Variants in TPH2 observed in about 807,000 individuals in gnomAD.
TPH2 encodes the protein tryptophan hydroxylase 2, also known as tryptophan 5-hydroxylase 2.
TPH2 carries 27 observed loss-of-function variants against 59.1 expected under a neutral mutation model. That is an observed-to-expected ratio of 0.46 (90% CI 0.34 to 0.63). The LOEUF (loss-of-function observed/expected upper bound fraction) is 0.63, where lower values mean the gene tolerates loss of function less well. Ranked by LOEUF, TPH2 falls within the 30% of genes least tolerant of loss-of-function variation. The pLI, the probability that TPH2 is intolerant of heterozygous loss-of-function variation, is 0.01. For synonymous variants in TPH2, 220 were observed against 210.5 expected, an observed-to-expected ratio of 1.05 and a Z score of -0.39; for missense variants, 523 against 588.3, an observed-to-expected ratio of 0.89 and a Z score of 1.15.
In TPH2 at chr12:71,963,458, G is replaced by GTATATACATACATATA. The variant is rs1871737633; in HGVS notation, c.609-9058_609-9057insATACATACATATATAT. ...TATATACATACATATATATATATAT[G>GTATATACATACATATA]TATGTATATACACACATATATGTAC... On this transcript the variant is annotated intron_variant, in intron 5 of 10. Transcript: ENST00000333850. Among the ~76,000 whole-genome samples, 4 of 35,062 alleles carry GTATATACATACATATA rather than the reference G, an allele frequency of 1.1e-4. 2 individuals are homozygous for GTATATACATACATATA. The highest frequency in any genetic ancestry group is 3.1e-4 in the African/African-American group (4 of 12,958). 23.0% of individuals were successfully genotyped at this position (35,062 alleles called of 152,430 possible). A position where few individuals can be genotyped will look rare whatever the true frequency, so the allele number is the denominator to read the frequency against.
intron 5 of TPH2, among the ~76,000 whole-genome samples, chr12:71,968,373 T>G (rs964769246): frequency 2.0e-5 from 3 of 152,228 alleles, no homozygotes; most frequent in Non-Finnish European, 4.4e-5. Flanking sequence ...CTTTTCCATC[T>G]TTCTCGCAGG....
intron 8 of TPH2, among the ~76,000 whole-genome samples, chr12:72,018,029 T>C (rs962358498): frequency 6.6e-6 from 1 of 152,222 alleles, no homozygotes; most frequent in African/African-American, 2.4e-5. Context: ...CAGATGCAAC[T>C]TACCATTTCT....
chr12:71,966,250 CT>C (rs200063099), intron 5 of TPH2, among the ~76,000 whole-genome samples: 7,688 of 147,210 alleles, frequency 0.052, 329 homozygotes, highest in South Asian at 0.14. Flanking sequence ...CTGTCTAAAT[CT>C]TTTTTTTTTT....
In TPH2 at chr12:71,941,571, G is replaced by A. The variant is rs772888791; in HGVS notation, c.106-13G>A. On this transcript the variant is annotated splice_polypyrimidine_tract_variant and intron_variant, in intron 1 of 10. Transcript: ENST00000333850. ...CTAATATTTTGTTTTATTATGCTTCGACATTCCTGAAGCTAAATAAACCTA... is the reference window on the plus strand; with the variant it reads ...CTAATATTTTGTTTTATTATGCTTCAACATTCCTGAAGCTAAATAAACCTA... The A allele has an allele frequency of 6.6e-5, 107 of 1,612,938 alleles. No individual in the cohort carries two copies. Among genetic ancestry groups the A allele is most frequent in the Non-Finnish European group, 8.6e-5 (101 of 1,179,534 alleles).
At chr12:71,948,626 C>T (rs1447911665) in intron 4 of TPH2, among the ~76,000 whole-genome samples, 1 of 152,194 alleles carries the variant, frequency 6.6e-6, no homozygotes, top group Non-Finnish European at 1.5e-5. Flanking sequence ...TCACCCTGTT[C>T]TTCACTCTCC....
intron 4 of TPH2, among the ~76,000 whole-genome samples, chr12:71,947,941 T>A (rs987118623): frequency 6.6e-6 from 1 of 152,180 alleles, no homozygotes; most frequent in Non-Finnish European, 1.5e-5. Flanking sequence ...GGGGAACAGA[T>A]GCTGTGCTTT....
At chr12:72,014,719 G>T (rs1873194477) in intron 8 of TPH2, among the ~76,000 whole-genome samples, 1 of 152,092 alleles carries the variant, frequency 6.6e-6, no homozygotes, top group African/African-American at 2.4e-5. Flanking sequence ...AAGAATGCTT[G>T]CCCTGCAAAA....
intron 8 of TPH2, among the ~76,000 whole-genome samples, chr12:72,008,818 C>T (rs911979717): frequency 3.3e-5 from 5 of 151,928 alleles, no homozygotes; most frequent in African/African-American, 7.3e-5. Context: ...CAGCAGAAGC[C>T]CTTGTTCATT....
intron 7 of TPH2, among the ~76,000 whole-genome samples, chr12:71,984,538 G>C (rs1000228416): frequency 2.0e-5 from 3 of 152,158 alleles, no homozygotes; most frequent in Non-Finnish European, 4.4e-5. Context: ...CCTTGCTGAA[G>C]TCTTCTCAGC....
intron 8 of TPH2, among the ~76,000 whole-genome samples, chr12:72,005,710 C>T (rs181734122): frequency 1.4e-4 from 21 of 152,072 alleles, no homozygotes; most frequent in African/African-American, 4.8e-4. Flanking sequence ...AACTAAGTTC[C>T]GAAGTGTTTT....
At chr12:71,961,861 T>C (rs1871694139) in intron 5 of TPH2, 1 of 1,135,176 alleles carries the variant, frequency 8.8e-7, no homozygotes, top group South Asian at 2.1e-5. Context: ...GCTCCTTAGG[T>C]GCAGTAGTTT....
At position 71,938,845 on chromosome 12, in the gene TPH2, G is replaced by T. The variant is rs961225966; in HGVS notation, c.-142G>T. The T allele has an allele frequency of 5.5e-6, 4 of 728,494 alleles. No homozygotes were observed. The highest frequency in any genetic ancestry group is 9.9e-6 in the Non-Finnish European group (4 of 404,130). The allele number at this position is 728,494 out of a possible 1,614,324, so 45.1% of individuals were successfully genotyped here. A position where few individuals can be genotyped will look rare whatever the true frequency, so the allele number is the denominator to read the frequency against. On this transcript the variant is annotated 5_prime_UTR_variant, in exon 1 of 11. Transcript: ENST00000333850. ...AAGGAGCCCGGGGATGGGAGGATTC[G>T]CATTGCTCTTCAGCACCAGGGTTCT...
intron 5 of TPH2, among the ~76,000 whole-genome samples, chr12:71,965,763 T>C (rs1315687884): frequency 6.6e-6 from 1 of 152,244 alleles, no homozygotes; most frequent in African/African-American, 2.4e-5. Context: ...CTGTAGGTCA[T>C]CCATTTACTC....
At chr12:72,001,632 G>T (rs1409264212) in intron 8 of TPH2, among the ~76,000 whole-genome samples, 4 of 152,030 alleles carry the variant, frequency 2.6e-5, no homozygotes, top group Non-Finnish European at 5.9e-5. Context: ...TGGCCAGGCT[G>T]GTCTCGAACT....
intron 8 of TPH2, 34 bp from the exon 9 acceptor site, chr12:72,022,365 C>T (rs1592416106): frequency 2.0e-6 from 3 of 1,495,326 alleles, no homozygotes. Flanking sequence ...AACTCATTGA[C>T]CAGTTCACTG....
At chr12:72,028,786 G>A (rs532883871) in intron 9 of TPH2, among the ~76,000 whole-genome samples, 1 of 152,292 alleles carries the variant, frequency 6.6e-6, no homozygotes, top group African/African-American at 2.4e-5. Context: ...AGACTCCTGA[G>A]GGTAGGCTGC....
intron 7 of TPH2, among the ~76,000 whole-genome samples, chr12:71,980,283 G>GT (rs1199020072): frequency 1.3e-5 from 2 of 152,096 alleles, no homozygotes; most frequent in African/African-American, 4.8e-5. Context: ...GCCACTCAGG[G>GT]TATCGCTTTG....
At chr12:71,979,255 TC>T (rs1856905970) in intron 7 of TPH2, among the ~76,000 whole-genome samples, 168 bp downstream of exon 7, 2 of 152,214 alleles carry the variant, frequency 1.3e-5, no homozygotes, top group African/African-American at 4.8e-5. Context: ...ATCAGACTCC[TC>T]ATCTGGGTCC....
At chr12:72,015,898 G>A (rs901818589) in intron 8 of TPH2, among the ~76,000 whole-genome samples, 1 of 152,164 alleles carries the variant, frequency 6.6e-6, no homozygotes. Flanking sequence ...GGGGTCATGG[G>A]GAGCATAAGG....
Sources: allele counts gnomAD v4.1 joint callset (sites outside exome capture counted in the v4.1 genomes callset), GRCh38; gene constraint gnomAD v4.1.1; transcripts MANE v1.5; gene names NCBI Gene and HGNC (gene_info 2026-07-23, HGNC 2026-07-21).